Variants in BRWD3 observed in about 807,000 individuals in gnomAD.
BRWD3 encodes bromodomain and WD repeat-containing protein 3.
In BRWD3, 10 loss-of-function variants were observed where a neutral mutation model predicts 149.7. The observed-to-expected ratio is 0.07, with a 90% CI of 0.04 to 0.11. BRWD3 has a LOEUF of 0.11. Among genes scored for constraint, BRWD3 ranks in the 10% least tolerant of loss-of-function variants. BRWD3 has a pLI of 1.00. For missense variants in BRWD3, 940 were observed against 1,373.2 expected (o/e 0.68, Z 4.99); for synonymous variants, 504 against 456.7 (o/e 1.10, Z -1.32).
Position 80,674,885 on chromosome X carries a change from T to C in BRWD3, c.*1724A>G, listed in dbSNP as rs1487538290. ...AAAGTTTTATGTGTGTACGCCTTCC[T>C]CTGCACTTAAGGGTTTTCAGATGCA... is the stretch of plus-strand genomic sequence containing the variant. On this transcript the variant is annotated 3_prime_UTR_variant, in exon 41 of 41. Coordinates refer to ENST00000373275, the MANE Select transcript of BRWD3 (RefSeq NM_153252.5). 8.9e-6 allele frequency: 1 copy of C among 111,910 alleles called. No homozygotes were observed. The highest frequency in any genetic ancestry group is 3.2e-5 in the African/African-American group (1 of 30,844). The allele number at this position is 111,910 out of a possible 1,213,427, so 9.2% of individuals were successfully genotyped here.
At chrX:80,808,109 T>C (rs919795333) in intron 4 of BRWD3, among the ~76,000 whole-genome samples, 2 of 76,409 alleles carry the variant, frequency 2.6e-5, no homozygotes, top group Non-Finnish European at 4.6e-5. Context: ...TTAGTTCCCG[T>C]ATTTCAGGCC....
intron 4 of BRWD3, among the ~76,000 whole-genome samples, chrX:80,805,494 T>C (rs1404911637): frequency 1.8e-5 from 2 of 111,458 alleles, no homozygotes; most frequent in African/African-American, 6.5e-5. Flanking sequence ...CCAATACACC[T>C]TAAGTTTGTA....
intron 6 of BRWD3, among the ~76,000 whole-genome samples, chrX:80,780,591 A>C (rs960781782): frequency 3.2e-4 from 36 of 111,756 alleles, no homozygotes; most frequent in South Asian, 3.7e-4. Context: ...CAATGTGGAA[A>C]ATACAAAAGA....
intron 6 of BRWD3, among the ~76,000 whole-genome samples, chrX:80,758,068 G>A (rs754478178): frequency 9.0e-5 from 10 of 111,276 alleles, no homozygotes; most frequent in Non-Finnish European, 1.9e-4. Context: ...GCGTGATGGC[G>A]CATGACTGTA....
chrX:80,707,009 A>G (rs1413452842), intron 22 of BRWD3, among the ~76,000 whole-genome samples: 1 of 112,981 alleles, frequency 8.9e-6, no homozygotes, highest in African/African-American at 3.2e-5. Flanking sequence ...CAGTTCAGCA[A>G]GTTAATTTAC....
chrX:80,788,545 T>C (rs1290014913), intron 6 of BRWD3, among the ~76,000 whole-genome samples: 1 of 111,627 alleles, frequency 9.0e-6, no homozygotes, highest in African/African-American at 3.3e-5. Flanking sequence ...GAATACAACA[T>C]ATAATAGCTA....
intron 6 of BRWD3, among the ~76,000 whole-genome samples, chrX:80,764,462 C>T (rs893819638): frequency 1.9e-5 from 2 of 107,193 alleles, no homozygotes; most frequent in East Asian, 6.0e-4. Context: ...CCTGCCACCA[C>T]GCCTGGATAA....
chrX:80,772,635 T>C (rs1286782692), intron 6 of BRWD3, among the ~76,000 whole-genome samples: 2 of 109,761 alleles, frequency 1.8e-5, no homozygotes, highest in South Asian at 3.8e-4. Context: ...AAATAAATGA[T>C]CCTGAAGAAA....
intron 17 of BRWD3, among the ~76,000 whole-genome samples, chrX:80,721,785 A>G (rs141753929): frequency 6.2e-4 from 69 of 111,843 alleles, no homozygotes; most frequent in African/African-American, 2.0e-3. Flanking sequence ...CCTACACCCA[A>G]TAACTCTTTG....
rs145526845 is a variant in BRWD3 at position 80,707,444 on chromosome X, T to G, written c.2535A>C (p.Gln845His). The change falls in exon 22 of 41, where the codon CAA becomes CAC. Residue 845 changes from glutamine to histidine, a missense_variant. Coordinates refer to ENST00000373275, the MANE Select transcript of BRWD3 (RefSeq NM_153252.5). ...AAAACTACCTGGAAGAACTTTCACT[T>G]TGCCATTCAACAACAGGATCCTCTA... The part of the protein sequence containing the change: ...ASVEDPVVEW[Q>H]SESSSSDSSS... 6 of 1,209,789 alleles carry G rather than the reference T, an allele frequency of 5.0e-6. No individual in the cohort carries two copies. In the Admixed American group the frequency reaches 1.3e-4, roughly 26 times the overall value.
chrX:80,776,916 G>A (rs1171057612), intron 6 of BRWD3, among the ~76,000 whole-genome samples: 1 of 110,947 alleles, frequency 9.0e-6, no homozygotes, highest in African/African-American at 3.3e-5. Flanking sequence ...ATACTTTAAT[G>A]TAAAACAAAC....
At position 80,692,155 on chromosome X, in the gene BRWD3, TA is replaced by T; in HGVS notation, c.3264-6del. 1 of 1,197,260 alleles carries T rather than the reference TA, an allele frequency of 8.4e-7. No individual in the cohort carries two copies. The highest frequency in any genetic ancestry group is 1.8e-5 in the South Asian group (1 of 56,471). On this transcript the variant is annotated splice_region_variant and splice_polypyrimidine_tract_variant and intron_variant, in intron 28 of 40. Coordinates refer to ENST00000373275, the MANE Select transcript of BRWD3 (RefSeq NM_153252.5). ...TCTCTCTCATTATTGTCCCAGCTAT[TA>T]AAAAATAAGAAGATGCAAATCAAAT...
At chrX:80,806,044 T>C (rs2074345564) in intron 4 of BRWD3, among the ~76,000 whole-genome samples, 1 of 112,276 alleles carries the variant, frequency 8.9e-6, no homozygotes, top group Admixed American at 9.5e-5. Context: ...ATCAAAAATA[T>C]TACTGACAAA....
In BRWD3 at chrX:80,674,810, T is replaced by G. The variant is rs2072349522; in HGVS notation, c.*1799A>C. The G allele has an allele frequency of 9.0e-6, 1 of 111,729 alleles. No individual in the cohort carries two copies. The highest frequency in any genetic ancestry group is 1.9e-5 in the Non-Finnish European group (1 of 53,015). The allele number at this position is 111,729 out of a possible 1,213,427, so 9.2% of individuals were successfully genotyped here. ...ATTTCCACTGCAAGTGAAAACTGCT[T>G]AAAGATGTTAGTCCAAGAATAACCC... On this transcript the variant is annotated 3_prime_UTR_variant, in exon 41 of 41. Transcript: ENST00000373275.
intron 17 of BRWD3, among the ~76,000 whole-genome samples, chrX:80,721,874 T>G (rs1469882971): frequency 9.0e-6 from 1 of 111,066 alleles, no homozygotes; most frequent in Non-Finnish European, 1.9e-5. Flanking sequence ...GAGACAAGAG[T>G]CTCACTCTGT....
intron 8 of BRWD3, among the ~76,000 whole-genome samples, chrX:80,741,473 A>G (rs1290403847): frequency 8.9e-6 from 1 of 111,894 alleles, no homozygotes; most frequent in Non-Finnish European, 1.9e-5. Context: ...CAAATGCATG[A>G]GGAATGGCCA....
At chrX:80,800,982 C>A (rs1306102860) in intron 4 of BRWD3, among the ~76,000 whole-genome samples, 1 of 110,338 alleles carries the variant, frequency 9.1e-6, no homozygotes, top group Non-Finnish European at 1.9e-5. Flanking sequence ...AGCACTATAA[C>A]CTGAGGGCAG....
chrX:80,734,119 G>A lies in BRWD3; in HGVS notation c.1085C>T (p.Thr362Met), dbSNP rs768209298. 1.6e-5 allele frequency: 18 copies of A among 1,148,784 alleles called. No homozygotes were observed. The highest frequency in any genetic ancestry group is 6.0e-5 in the East Asian group (2 of 33,347). The allele number at this position is 1,148,784 out of a possible 1,213,427, so 94.7% of individuals were successfully genotyped here. A position where few individuals can be genotyped will look rare whatever the true frequency, so the allele number is the denominator to read the frequency against. Residue 362 changes from threonine to methionine, a missense_variant and splice_region_variant, in exon 11 of 41, where the codon ACG becomes ATG. Physicochemically the swap from Thr to Met is moderately conservative, Grantham distance 81. Transcript: ENST00000373275. ...PEKIAELESH[T>M]DKVVAVQFCN... is the part of the protein sequence containing the mutation. Reference sequence around the variant, plus strand: ...CAACCGTTTCTGATTTTCTCTTACCGTATGTGACTCTAATTCAGCAATTTT... The same window carrying A: ...CAACCGTTTCTGATTTTCTCTTACCATATGTGACTCTAATTCAGCAATTTT...
At chrX:80,735,060 T>C (rs1445648689) in intron 10 of BRWD3, 67 bp downstream of exon 10, 8 of 956,631 alleles carry the variant, frequency 8.4e-6, no homozygotes, top group Admixed American at 2.2e-5. Flanking sequence ...TTTTTCTTCA[T>C]AAATCACTTT....
Sources: allele counts gnomAD v4.1 joint callset (sites outside exome capture counted in the v4.1 genomes callset), GRCh38; gene constraint gnomAD v4.1.1; transcripts MANE v1.5; gene names NCBI Gene and HGNC (gene_info 2026-07-23, HGNC 2026-07-21).